Variants in UBE2E1 observed in about 807,000 individuals in gnomAD.
The protein encoded by UBE2E1 is ubiquitin conjugating enzyme E2 E1, also known as ubiquitin-conjugating enzyme E2 E1.
UBE2E1 carries 6 observed loss-of-function variants against 21.4 expected under a neutral mutation model. The ratio of observed to expected loss-of-function variants is 0.28; its 90% confidence interval spans 0.15 to 0.55. The LOEUF (loss-of-function observed/expected upper bound fraction) is 0.55. UBE2E1 is among the 20% of genes least tolerant of loss of function. The probability of loss-of-function intolerance (pLI) is 0.93; values close to 1 mark genes in which losing one functional copy is unlikely to be tolerated. For synonymous variants in UBE2E1, 87 were observed against 82.7 expected, an observed-to-expected ratio of 1.05 and a Z score of -0.28; for missense variants, 142 against 236.5, an observed-to-expected ratio of 0.60 and a Z score of 2.62.
At chr3:23,886,068 G>A (rs889677392) in intron 3 of UBE2E1, among the ~76,000 whole-genome samples, 2 of 152,006 alleles carry the variant, frequency 1.3e-5, no homozygotes, top group Admixed American at 6.6e-5. Flanking sequence ...AGGTATGGTG[G>A]TGCATGCCTG....
At chr3:23,883,774 G>C (rs1447249627) in intron 3 of UBE2E1, among the ~76,000 whole-genome samples, 1 of 151,976 alleles carries the variant, frequency 6.6e-6, no homozygotes, top group Non-Finnish European at 1.5e-5. Flanking sequence ...AAATTAGCTG[G>C]GCATGGCGGC....
At chr3:23,882,916 C>CAGA (rs1413934167) in intron 3 of UBE2E1, among the ~76,000 whole-genome samples, 3 of 152,204 alleles carry the variant, frequency 2.0e-5, no homozygotes, top group Non-Finnish European at 2.9e-5. Flanking sequence ...CCGCGCCTCT[C>CAGA]CCTCCACACC....
At chr3:23,850,837 C>CT (rs71057628) in intron 3 of UBE2E1, among the ~76,000 whole-genome samples, 9,148 of 127,198 alleles carry the variant, frequency 0.072, 434 homozygotes, top group East Asian at 0.12. Flanking sequence ...CCACACCCAG[C>CT]TTTTTTTTTT....
chr3:23,851,913 C>T (rs952051803), intron 3 of UBE2E1, among the ~76,000 whole-genome samples: 1 of 152,182 alleles, frequency 6.6e-6, no homozygotes, highest in Non-Finnish European at 1.5e-5. Flanking sequence ...GTGTTTGGGT[C>T]ACAGGGACAG....
At chr3:23,811,804 T>C (rs766803187) in intron 3 of UBE2E1, among the ~76,000 whole-genome samples, 5 of 152,224 alleles carry the variant, frequency 3.3e-5, no homozygotes, top group Non-Finnish European at 7.3e-5. Context: ...GTCTTTGATA[T>C]GCCATTAAAG....
At chr3:23,813,870 A>T (rs1362021686) in intron 3 of UBE2E1, among the ~76,000 whole-genome samples, 1 of 152,176 alleles carries the variant, frequency 6.6e-6, no homozygotes, top group Admixed American at 6.5e-5. Context: ...TCAGCGTCCA[A>T]TGAAAATCTA....
chr3:23,884,209 A>C (rs532499528), intron 3 of UBE2E1, among the ~76,000 whole-genome samples: 2 of 139,616 alleles, frequency 1.4e-5, no homozygotes, highest in South Asian at 5.0e-4. Context: ...TTTCAAAAAA[A>C]TTAACACCTA....
At chr3:23,847,149 A>G (rs1201914686) in intron 3 of UBE2E1, among the ~76,000 whole-genome samples, 1 of 152,190 alleles carries the variant, frequency 6.6e-6, no homozygotes, top group African/African-American at 2.4e-5. Context: ...CGATCATATA[A>G]TTACTAATAA....
At chr3:23,861,486 A>T (rs942512706) in intron 3 of UBE2E1, among the ~76,000 whole-genome samples, 2 of 152,212 alleles carry the variant, frequency 1.3e-5, no homozygotes, top group Admixed American at 1.3e-4. Flanking sequence ...CTGTGCCCAC[A>T]GACCTAGGTG....
intron 3 of UBE2E1, among the ~76,000 whole-genome samples, chr3:23,812,646 A>T (rs2125280484): frequency 6.6e-6 from 1 of 152,350 alleles, no homozygotes; most frequent in South Asian, 2.1e-4. Context: ...CTTAAACTAT[A>T]GTTTATAATT....
rs1699291027 is a variant in UBE2E1, at chr3:23,806,976, A to C, written c.-33-261A>C. 1 of 238,310 alleles carries C rather than the reference A, an allele frequency of 4.2e-6. No individual in the cohort carries two copies. The highest frequency in any genetic ancestry group is 8.0e-6 in the Non-Finnish European group (1 of 124,600). The allele number at this position is 238,310 out of a possible 1,614,324, so 14.8% of individuals were successfully genotyped here. ...GGGCTACTCCCTCCCTGCCCAGCGG[A>C]GAGCCCCGGGGGGCGAGGGAGGGGC... On this transcript the variant is annotated intron_variant, in intron 1 of 5. Transcript: ENST00000306627. The surrounding 1 kb of genome is among the most constrained non-coding windows in gnomAD (Gnocchi z 6.5).
intron 2 of UBE2E1, chr3:23,807,626 C>T: frequency 1.9e-6 from 1 of 527,970 alleles, no homozygotes; most frequent in Admixed American, 4.2e-5. Flanking sequence ...GCTGTTGCGG[C>T]TTGCCTCTCG....
chr3:23,855,679 A>T lies in UBE2E1; in HGVS notation c.204-31888A>T, dbSNP rs1431943210. ...CCCGTCTCTACTAAAAATACAAAAA[A>T]ATTAGCTGGGCGTGGTGGTGGGCGC... On this transcript the variant is annotated intron_variant, in intron 3 of 5. Transcript: ENST00000306627. Among the ~76,000 whole-genome samples, 3 of 152,026 alleles carry T rather than the reference A, an allele frequency of 2.0e-5. No homozygotes were observed. In the South Asian group the frequency reaches 6.2e-4, roughly 32 times the overall value.
In UBE2E1 at chr3:23,826,222, A is replaced by G. The variant is rs1412230953; in HGVS notation, c.203+14712A>G. ...TCTAACAAATTTAGACATTTTGCAAAAACTGAAGACATGTTACCAAAAATT... is the reference window on the plus strand; with the variant it reads ...TCTAACAAATTTAGACATTTTGCAAGAACTGAAGACATGTTACCAAAAATT... On this transcript the variant is annotated intron_variant, in intron 3 of 5. Coordinates refer to ENST00000306627, the MANE Select transcript of UBE2E1 (RefSeq NM_003341.5). Among the ~76,000 whole-genome samples, 2 of 152,234 alleles carry G rather than the reference A, an allele frequency of 1.3e-5. 1 individual carries two copies. Among genetic ancestry groups the G allele is most frequent in the East Asian group, 3.8e-4 (2 of 5,206 alleles).
At position 23,836,308 on chromosome 3, in the gene UBE2E1, AAG is replaced by A. The variant is rs1352516397; in HGVS notation, c.203+24801_203+24802del. Among the ~76,000 whole-genome samples, 4 of 152,346 alleles carry A rather than the reference AAG, an allele frequency of 2.6e-5. No homozygotes were observed. The highest frequency in any genetic ancestry group is 7.2e-5 in the African/African-American group (3 of 41,572). ...ACTGATTTAGAATGCTATATAAAAA[AAG>A]AGTTTCTCTTTTCACTTAGTCCTCA... is the stretch of plus-strand genomic sequence containing the variant. On this transcript the variant is annotated intron_variant, in intron 3 of 5. Transcript: ENST00000306627. The surrounding 1 kb of genome is among the most constrained non-coding windows in gnomAD (Gnocchi z 4.1).
At chr3:23,866,521 A>AG (rs1700661221) in intron 3 of UBE2E1, 1 of 152,130 alleles carries the variant, frequency 6.6e-6, no homozygotes, top group Non-Finnish European at 1.5e-5. Context: ...TTTTAGCTCT[A>AG]GGGGGAAAAA....
chr3:23,845,271 A>T (rs1203874204), intron 3 of UBE2E1, among the ~76,000 whole-genome samples: 1 of 152,130 alleles, frequency 6.6e-6, no homozygotes, highest in Non-Finnish European at 1.5e-5. Flanking sequence ...TTACCTCAAG[A>T]TCTGTGTGTC....
rs2125277662 is a variant in UBE2E1, at chr3:23,808,097, T to C, written c.152+676T>C. Among the ~76,000 whole-genome samples the C allele has an allele frequency of 6.6e-6, 1 of 152,334 alleles. No individual in the cohort carries two copies. Among genetic ancestry groups the C allele is most frequent in the East Asian group, 1.9e-4 (1 of 5,190 alleles). ...TGTCTTTTTTTCATGCTATTTGCTG[T>C]CCTCATGCTGTGAAAATGTTACTTT... On this transcript the variant is annotated intron_variant, in intron 2 of 5. Coordinates refer to ENST00000306627, the MANE Select transcript of UBE2E1 (RefSeq NM_003341.5). This position sits in a 1 kb window ranked among gnomAD's most constrained non-coding sequence, Gnocchi z 4.9.
At chr3:23,885,525 T>A (rs1701161752) in intron 3 of UBE2E1, among the ~76,000 whole-genome samples, 1 of 152,232 alleles carries the variant, frequency 6.6e-6, no homozygotes, top group Admixed American at 6.5e-5. Context: ...TGAAGTCATC[T>A]TTTTTAAACA....
Sources: gnomAD v4.1 joint callset for allele counts (sites outside exome capture counted in the v4.1 genomes callset) on GRCh38, gnomAD v4.1.1 for gene constraint, Gnocchi (gnomAD v3.1) non-coding constraint, MANE v1.5 for transcripts, NCBI Gene and HGNC (gene_info 2026-07-23, HGNC 2026-07-21) for gene names.